Variants in WFS1 observed in about 807,000 individuals in gnomAD.
The protein encoded by WFS1 is wolframin.
Under a neutral mutation model 68.5 loss-of-function variants are expected in WFS1, and 90 were observed. The ratio of observed to expected loss-of-function variants is 1.31; its 90% CI spans 1.11 to 1.56. The LOEUF is 1.56. WFS1 is among the 40% of genes most tolerant of loss of function. WFS1 has a pLI of 0.00. For synonymous variants in WFS1, 860 were observed against 540.7 expected, an observed-to-expected ratio of 1.59 and a Z score of -8.19; for missense variants, 1,767 against 1,232.6, an observed-to-expected ratio of 1.43 and a Z score of -6.49.
At position 6,272,356 on chromosome 4, in the gene WFS1, C is replaced by T. The variant is rs560156187; in HGVS notation, c.-6+2342C>T. Among the ~76,000 whole-genome samples, 12 of 152,320 alleles carry T rather than the reference C, an allele frequency of 7.9e-5. No individual in the cohort carries two copies. In the East Asian group the frequency reaches 2.3e-3, roughly 29 times the overall value. ...TTGGCCACTATGGCCGTCATGAATG[C>T]TGCTTGGGGCAGTCCCAATTCAAAC... On this transcript the variant is annotated intron_variant, in intron 1 of 7. Coordinates refer to ENST00000226760, the MANE Select transcript of WFS1 (RefSeq NM_006005.3).
In WFS1 at chr4:6,301,708, T is replaced by G; in HGVS notation, c.1913T>G (p.Val638Gly). Reference sequence around the variant, plus strand: ...AGCTCCATGGTCAAGCTCATCCTGGTGTGGCTCACGGCCATCGTGCTGTTC... The same window carrying G: ...AGCTCCATGGTCAAGCTCATCCTGGGGTGGCTCACGGCCATCGTGCTGTTC... ...TRSSMVKLIL[V>G]WLTAIVLFCW... The change falls in exon 8 of 8, where the codon GTG (valine) becomes GGG (glycine). Residue 638 changes from valine to glycine, a missense_variant. Transcript: ENST00000226760. 1 of 1,614,080 alleles carries G rather than the reference T, an allele frequency of 6.2e-7. No homozygotes were observed. The highest frequency in any genetic ancestry group is 8.5e-7 in the Non-Finnish European group (1 of 1,180,046).
chr4:6,284,046 T>C (rs1730239148), intron 2 of WFS1, among the ~76,000 whole-genome samples: 2 of 151,846 alleles, frequency 1.3e-5, no homozygotes, highest in Non-Finnish European at 2.9e-5. Context: ...ATATGGAAGC[T>C]GGAATAATGA....
intron 7 of WFS1, among the ~76,000 whole-genome samples, chr4:6,296,689 C>G (rs2109120663): frequency 6.6e-6 from 1 of 152,340 alleles, no homozygotes; most frequent in South Asian, 2.1e-4. Flanking sequence ...GCGGCCATGG[C>G]CCAGGTGTCC....
Position 6,301,716 on chromosome 4 carries a change from A to C in WFS1, c.1921A>C (p.Thr641Pro), listed in dbSNP as rs752077783. ...SMVKLILVWLTAIVLFCWFYV... is the reference protein window; with the variant it reads ...SMVKLILVWLPAIVLFCWFYV... ...GGTCAAGCTCATCCTGGTGTGGCTC[A>C]CGGCCATCGTGCTGTTCTGCTGGTT... The change falls in exon 8 of 8, where the codon ACG (threonine) becomes CCG (proline). Residue 641 changes from threonine to proline, a missense_variant. Physicochemically the swap from Thr to Pro is conservative, Grantham distance 38 (BLOSUM62 -1). Transcript: ENST00000226760. 6.2e-7 allele frequency: 1 copy of C among 1,614,010 alleles called. No individual in the cohort carries two copies. The highest frequency in any genetic ancestry group is 1.7e-5 in the Admixed American group (1 of 60,030).
Position 6,277,196 on chromosome 4 carries a change from G to C in WFS1, c.-5-255G>C, listed in dbSNP as rs79271440. Among the ~76,000 whole-genome samples, 2,526 of 152,354 alleles carry C rather than the reference G, an allele frequency of 0.017. 63 individuals are homozygous for C. Among genetic ancestry groups the C allele is most frequent in the African/African-American group, 0.056 (2,337 of 41,580 alleles). On this transcript the variant is annotated intron_variant, in intron 1 of 7. Coordinates refer to ENST00000226760, the MANE Select transcript of WFS1 (RefSeq NM_006005.3). The stretch of plus-strand genomic sequence containing the variant: ...CATGCCCAGTGAGGCAGGGACTCCA[G>C]GCCTCGGCATGTGCAGGTCTGAGAT...
At chr4:6,290,475 G>A (rs1350315967) in intron 4 of WFS1, among the ~76,000 whole-genome samples, 2 of 152,266 alleles carry the variant, frequency 1.3e-5, no homozygotes, top group African/African-American at 2.4e-5. Context: ...GGAGGAGGCC[G>A]GTTGGCCCCG....
rs753516932 is a variant in WFS1 at position 6,301,567 on chromosome 4, C to G, written c.1772C>G (p.Ser591Cys). The G allele has an allele frequency of 5.0e-6, 8 of 1,614,168 alleles. No homozygotes were observed. In the Middle Eastern group the frequency reaches 1.2e-3, roughly 233 times the overall value. The stretch of plus-strand genomic sequence containing the variant: ...CTGCAGTTCGCCCGGTGGTTCACGT[C>G]TCTGGAGCTCACCAAGATCGCAGTC... ...GVLQFARWFT[S>C]LELTKIAVTV... Residue 591 changes from serine (S) to cysteine (C), a missense_variant, in exon 8 of 8, where the codon TCT becomes TGT. Ser to Cys is a moderately radical substitution (Grantham distance 112). Transcript: ENST00000226760.
rs2109113833 is a variant in WFS1 at position 6,287,016 on chromosome 4, A to C, written c.233-77A>C. 7.6e-7 allele frequency: 1 copy of C among 1,312,782 alleles called. No homozygotes were observed. Among genetic ancestry groups the C allele is most frequent in the South Asian group, 1.3e-5 (1 of 79,048 alleles). The allele number at this position is 1,312,782 out of a possible 1,614,324, so 81.3% of individuals were successfully genotyped here. On this transcript the variant is annotated intron_variant, in intron 2 of 7. Coordinates refer to ENST00000226760, the MANE Select transcript of WFS1 (RefSeq NM_006005.3). This position sits in a 1 kb window ranked among gnomAD's most constrained non-coding sequence, Gnocchi z 6.4. ...AGCAGCAGCAGATCTGAAGACCCTC[A>C]TGCCTTGTCCCCTCCATCCTGACAA...
At chr4:6,284,151 C>T (rs767453593) in intron 2 of WFS1, among the ~76,000 whole-genome samples, 2 of 152,018 alleles carry the variant, frequency 1.3e-5, no homozygotes, top group Non-Finnish European at 2.9e-5. Context: ...CAGCAGATCA[C>T]CTGAGGTCAG....
intron 2 of WFS1, among the ~76,000 whole-genome samples, chr4:6,278,676 T>C (rs1013478948): frequency 6.6e-6 from 1 of 152,352 alleles, no homozygotes; most frequent in East Asian, 1.9e-4. Context: ...GCCTCCCTGC[T>C]GTGGTCGCAG....
rs200135768 is a variant in WFS1, at chr4:6,277,682, G to T, written c.227G>T (p.Gly76Val). Residue 76 changes from glycine (G) to valine (V), a missense_variant, in exon 2 of 8, where the codon GGC becomes GTC. Coordinates refer to ENST00000226760, the MANE Select transcript of WFS1 (RefSeq NM_006005.3). The stretch of plus-strand genomic sequence containing the variant: ...ACCAGGAGCCGGGAAAGAGCAGACG[G>T]CACCGGTAAGGGAGCAGGCTGGGAA... Reference protein sequence around the residue: ...QHTRSRERADGTGPTKGDMEI... With the variant: ...QHTRSRERADVTGPTKGDMEI... 541 of 1,558,848 alleles carry T rather than the reference G, an allele frequency of 3.5e-4. No individual in the cohort carries two copies. In the African/African-American group the frequency reaches 6.6e-3, roughly 19 times the overall value.
chr4:6,290,218 C>T (rs1044209774), intron 4 of WFS1, among the ~76,000 whole-genome samples: 4 of 152,226 alleles, frequency 2.6e-5, no homozygotes, highest in African/African-American at 4.8e-5. Flanking sequence ...AGAGTACAGG[C>T]GTGAGCCACC....
intron 7 of WFS1, among the ~76,000 whole-genome samples, chr4:6,298,310 T>G (rs905290845): frequency 3.9e-5 from 6 of 152,128 alleles, no homozygotes; most frequent in Non-Finnish European, 7.4e-5. Context: ...CTGGAGTAGG[T>G]TGGTTTTCAT....
intron 7 of WFS1, 29 bp from the exon 8 acceptor site, chr4:6,300,628 C>A (rs760633001): frequency 3.7e-6 from 6 of 1,613,604 alleles, no homozygotes; most frequent in Non-Finnish European, 4.2e-6. Flanking sequence ...CTGTCCCAGC[C>A]TCGTTCCCAC....
At chr4:6,280,591 G>GCC (rs1730132889) in intron 2 of WFS1, among the ~76,000 whole-genome samples, 2 of 152,210 alleles carry the variant, frequency 1.3e-5, no homozygotes, top group Admixed American at 1.3e-4. Flanking sequence ...GGGCTCAGAT[G>GCC]CACAGAGGGA....
intron 7 of WFS1, among the ~76,000 whole-genome samples, chr4:6,295,729 G>A (rs1039856558): frequency 6.6e-6 from 1 of 152,258 alleles, no homozygotes; most frequent in Non-Finnish European, 1.5e-5. Context: ...GGCACACCTG[G>A]AGGACATGAG....
intron 6 of WFS1, among the ~76,000 whole-genome samples, chr4:6,294,545 G>T (rs1017790566): frequency 2.6e-5 from 4 of 152,138 alleles, no homozygotes; most frequent in African/African-American, 9.7e-5. Context: ...TGCACAGTAG[G>T]CCCTGGGTGG....
In WFS1 at chr4:6,302,045, C is replaced by G. The variant is rs369498603; in HGVS notation, c.2250C>G (p.Ala750=). 6.2e-7 allele frequency: 1 copy of G among 1,612,812 alleles called. No individual in the cohort carries two copies. Among genetic ancestry groups the G allele is most frequent in the Non-Finnish European group, 8.5e-7 (1 of 1,179,964 alleles). Residue 750 remains alanine, a synonymous_variant, in exon 8 of 8, where the codon GCC becomes GCG. Coordinates refer to ENST00000226760, the MANE Select transcript of WFS1 (RefSeq NM_006005.3). ...PACSPGNTST[A]EEELCRLKLL... Reference sequence around the variant, plus strand: ...GCAGCCCTGGCAACACCTCCACGGCCGAGGAGGAGCTCTGTCGCCTTAAGC... The same window carrying G: ...GCAGCCCTGGCAACACCTCCACGGCGGAGGAGGAGCTCTGTCGCCTTAAGC...
At position 6,300,758 on chromosome 4, in the gene WFS1, G is replaced by A. The variant is rs373141415; in HGVS notation, c.963G>A (p.Thr321=). 39 of 1,613,834 alleles carry A rather than the reference G, an allele frequency of 2.4e-5. No individual in the cohort carries two copies. The highest frequency in any genetic ancestry group is 5.3e-5 in the African/African-American group (4 of 74,830). ...ACTGGCTGTCCACCATCATCCCCAC[G>A]CACCACATCAACGCGCTCATCTTCT... is the stretch of plus-strand genomic sequence containing the variant. ...GMHWLSTIIP[T]HHINALIFFF... is the part of the protein sequence containing the mutation. The change falls in exon 8 of 8, where the codon ACG becomes ACA. Residue 321 remains threonine (T), a synonymous_variant. Coordinates refer to ENST00000226760, the MANE Select transcript of WFS1 (RefSeq NM_006005.3).
Sources: gnomAD v4.1 joint callset for allele counts (sites outside exome capture counted in the v4.1 genomes callset) on GRCh38, gnomAD v4.1.1 for gene constraint, Gnocchi (gnomAD v3.1) non-coding constraint, MANE v1.5 for transcripts, NCBI Gene and HGNC (gene_info 2026-07-23, HGNC 2026-07-21) for gene names.